RBM33: variants seen among roughly 807,000 people sequenced by gnomAD.
RBM33 encodes RNA binding motif protein 33, also known as RNA-binding protein 33.
RBM33 carries 28 observed loss-of-function variants against 132.6 expected under a neutral mutation model. The observed-to-expected ratio is 0.21, with a 90% CI of 0.16 to 0.29. The LOEUF (loss-of-function observed/expected upper bound fraction) is 0.29, where lower values mean the gene tolerates loss of function less well. Ranked by LOEUF, RBM33 falls within the 10% of genes least tolerant of loss-of-function variation. RBM33 has a pLI of 1.00. For missense variants in RBM33, 1,291 were observed against 1,518.5 expected, an observed-to-expected ratio of 0.85 and a Z score of 2.49; for synonymous variants, 634 against 593.0, an observed-to-expected ratio of 1.07 and a Z score of -1.01.
At chr7:155,716,341 A>G (rs1453809633) in intron 8 of RBM33, among the ~76,000 whole-genome samples, 1 of 49,156 alleles carries the variant, frequency 2.0e-5, no homozygotes, top group South Asian at 6.0e-4. Flanking sequence ...TTAAATAGGG[A>G]AAAGGCTGGT....
chr7:155,739,255 A>G (rs183080006), intron 11 of RBM33: 2 of 152,780 alleles, frequency 1.3e-5, no homozygotes, highest in African/African-American at 2.4e-5. Context: ...CTTTTTTTAA[A>G]TGCACATCTT....
rs1802725779 is a variant in RBM33, at chr7:155,779,194, C to T, written c.*4153C>T. On this transcript the variant is annotated 3_prime_UTR_variant, in exon 18 of 18. Transcript: ENST00000401878. The stretch of plus-strand genomic sequence containing the variant: ...CCCTTCATTAAGCTATGATCCTCCA[C>T]CCCATTTTTTTTTTTTTTAATTTGG... 6.7e-6 allele frequency: 1 copy of T among 149,896 alleles called. No homozygotes were observed. Among genetic ancestry groups the T allele is most frequent in the Non-Finnish European group, 1.5e-5 (1 of 67,564 alleles). The allele number at this position is 149,896 out of a possible 1,614,324, so 9.3% of individuals were successfully genotyped here.
chr7:155,662,009 C>T (rs913728376), intron 1 of RBM33, among the ~76,000 whole-genome samples: 4 of 152,096 alleles, frequency 2.6e-5, no homozygotes, highest in Non-Finnish European at 5.9e-5. Flanking sequence ...TCTCCCACCC[C>T]TGGGCTAATT....
Position 155,779,206 on chromosome 7 carries a change from T to C in RBM33, c.*4165T>C, listed in dbSNP as rs1802726711. ...CTATGATCCTCCACCCCATTTTTTT[T>C]TTTTTTAATTTGGAGTGGGAGGGAG... is the stretch of plus-strand genomic sequence containing the variant. On this transcript the variant is annotated 3_prime_UTR_variant, in exon 18 of 18. Coordinates refer to ENST00000401878, the MANE Select transcript of RBM33 (RefSeq NM_053043.3). 6.8e-6 allele frequency: 1 copy of C among 146,940 alleles called. No individual in the cohort carries two copies. The highest frequency in any genetic ancestry group is 1.5e-5 in the Non-Finnish European group (1 of 66,322). 9.1% of individuals were successfully genotyped at this position (146,940 alleles called of 1,614,324 possible).
At chr7:155,663,795 G>T (rs1798721841) in intron 1 of RBM33, among the ~76,000 whole-genome samples, 2 of 152,110 alleles carry the variant, frequency 1.3e-5, no homozygotes, top group African/African-American at 4.8e-5. Flanking sequence ...CCCCTAGGTA[G>T]ACTCTTTCTG....
chr7:155,712,734 G>A (rs914461245), intron 8 of RBM33, among the ~76,000 whole-genome samples: 7 of 152,230 alleles, frequency 4.6e-5, no homozygotes, highest in Non-Finnish European at 5.9e-5. Flanking sequence ...TAGCCAAAAG[G>A]AGACCAGCGT....
intron 13 of RBM33, among the ~76,000 whole-genome samples, chr7:155,743,561 C>A (rs1428541843): frequency 6.6e-6 from 1 of 152,158 alleles, no homozygotes; most frequent in South Asian, 2.1e-4. Context: ...TTAATTTTCT[C>A]TCTCTATATA....
intron 5 of RBM33, among the ~76,000 whole-genome samples, chr7:155,690,391 A>G (rs910321083): frequency 6.6e-6 from 1 of 152,110 alleles, no homozygotes; most frequent in Non-Finnish European, 1.5e-5. Flanking sequence ...TTTCCTGAAT[A>G]TAGCACAGTG....
chr7:155,672,571 A>G (rs1191752176), intron 2 of RBM33, among the ~76,000 whole-genome samples: 4 of 152,156 alleles, frequency 2.6e-5, no homozygotes, highest in African/African-American at 4.8e-5. Flanking sequence ...CCTGGCCAAC[A>G]TGGTGAAATC....
At chr7:155,651,904 G>T (rs1371168340) in intron 1 of RBM33, among the ~76,000 whole-genome samples, 1 of 152,144 alleles carries the variant, frequency 6.6e-6, no homozygotes, top group Non-Finnish European at 1.5e-5. Flanking sequence ...CTCTCCTGGG[G>T]CCCGTGTAAC....
chr7:155,762,286 C>T (rs2117065331), intron 14 of RBM33, among the ~76,000 whole-genome samples: 1 of 152,324 alleles, frequency 6.6e-6, no homozygotes, highest in South Asian at 2.1e-4. Context: ...CCATGGGCTT[C>T]CCTGTGCCTT....
At chr7:155,680,561 C>CTTTTTTTTTTTTTTTTTTTTTTTTT in intron 4 of RBM33, 29 bp from the exon 5 acceptor site, 1 of 1,097,528 alleles carries the variant, frequency 9.1e-7, no homozygotes, top group African/African-American at 1.6e-5. Context: ...TCATTGGGTG[C>CTTTTTTTTTTTTTTTTTTTTTTTTT]TTTTTTTTTT....
At chr7:155,770,853 G>A (rs1191144490) in intron 16 of RBM33, among the ~76,000 whole-genome samples, 3 of 152,194 alleles carry the variant, frequency 2.0e-5, no homozygotes, top group Non-Finnish European at 2.9e-5. Flanking sequence ...GAAGCTTTTC[G>A]CTGCCAGGTG....
At chr7:155,691,039 C>T (rs1223952470) in intron 5 of RBM33, among the ~76,000 whole-genome samples, 1 of 152,176 alleles carries the variant, frequency 6.6e-6, no homozygotes, top group Admixed American at 6.6e-5. Context: ...GGGAAGCTCT[C>T]CTGGATAATA....
chr7:155,710,851 C>T (rs953922494), intron 7 of RBM33, among the ~76,000 whole-genome samples: 2 of 151,716 alleles, frequency 1.3e-5, no homozygotes, highest in Non-Finnish European at 2.9e-5. Context: ...GGCAGCTGCT[C>T]TTCTGTCCCT....
In RBM33 at chr7:155,738,316, C is replaced by G; in HGVS notation, c.1650C>G (p.Thr550=). The part of the protein sequence containing the change: ...ILHFSQPGSA[T]TRPFIPPRQP... ...ACTTTAGCCAGCCTGGGTCGGCAAC[C>G]ACACGGCCCTTCATTCCTCCTAGAC... Residue 550 remains threonine, a synonymous_variant, in exon 11 of 18, where the codon ACC becomes ACG. Transcript: ENST00000401878. 2 of 1,613,984 alleles carry G rather than the reference C, an allele frequency of 1.2e-6. No homozygotes were observed. Among genetic ancestry groups the G allele is most frequent in the African/African-American group, 1.3e-5 (1 of 75,038 alleles).
At chr7:155,675,635 C>G (rs1799163993) in intron 3 of RBM33, among the ~76,000 whole-genome samples, 1 of 152,156 alleles carries the variant, frequency 6.6e-6, no homozygotes, top group Non-Finnish European at 1.5e-5. Flanking sequence ...CCTGTTTACG[C>G]ACTCACTCCC....
chr7:155,644,795 C>G lies in RBM33; in HGVS notation c.-82C>G. On this transcript the variant is annotated 5_prime_UTR_variant, in exon 1 of 18. Transcript: ENST00000401878. Reference sequence around the variant, plus strand: ...CCCCTCCCTTCTCTGTCCTCCGTCACCCGTACCCGGGCCCGGACCAGGCAC... The same window carrying G: ...CCCCTCCCTTCTCTGTCCTCCGTCAGCCGTACCCGGGCCCGGACCAGGCAC... 1 of 1,233,090 alleles carries G rather than the reference C, an allele frequency of 8.1e-7. No homozygotes were observed. The allele number at this position is 1,233,090 out of a possible 1,614,324, so 76.4% of individuals were successfully genotyped here.
intron 1 of RBM33, among the ~76,000 whole-genome samples, chr7:155,652,848 A>G (rs1188880778): frequency 1.3e-5 from 2 of 152,144 alleles, no homozygotes; most frequent in African/African-American, 2.4e-5. Flanking sequence ...TATGACTGCT[A>G]TGAACTGGAA....
Sources: gnomAD v4.1 joint callset for allele counts (sites outside exome capture counted in the v4.1 genomes callset) on GRCh38, gnomAD v4.1.1 for gene constraint, MANE v1.5 for transcripts, NCBI Gene and HGNC (gene_info 2026-07-23, HGNC 2026-07-21) for gene names.